The following KCNQ1OT1 variants were observed in gnomAD, a reference collection of about 807,000 sequenced individuals.
KCNQ1OT1 encodes the protein KCNQ1 antisense RNA 2 (non-protein coding).
chr11:2,627,087 A>G lies in KCNQ1OT1; in HGVS notation n.72908T>C. On this transcript the variant is annotated non_coding_transcript_exon_variant, in exon 1 of 1. Coordinates refer to ENST00000597346, the Ensembl canonical transcript of KCNQ1OT1. This position sits in a 1 kb window ranked among gnomAD's most constrained non-coding sequence, Gnocchi z 4.9. ...GTGTTTTCCCTTTATGTCTACTTTA[A>G]TTTCTTTCAGCATTGTTTTGTAATT... The G allele has an allele frequency of 2.5e-6, 1 of 398,446 alleles. No homozygotes were observed. Among genetic ancestry groups the G allele is most frequent in the Non-Finnish European group, 4.4e-6 (1 of 226,020 alleles). 24.7% of individuals were successfully genotyped at this position (398,446 alleles called of 1,614,324 possible).
exon 1 of KCNQ1OT1, chr11:2,686,743 T>C (rs1176373054): frequency 1.8e-5 from 7 of 398,532 alleles, no homozygotes; most frequent in Non-Finnish European, 2.7e-5. Flanking sequence ...CCAGGACCAG[T>C]AGCTTTCAAT....
rs925690688 is a variant in KCNQ1OT1 at position 2,620,324 on chromosome 11, C to T, written n.79671G>A. 1 of 202,434 alleles carries T rather than the reference C, an allele frequency of 4.9e-6. No individual in the cohort carries two copies. The highest frequency in any genetic ancestry group is 2.3e-5 in the African/African-American group (1 of 42,976). 12.5% of individuals were successfully genotyped at this position (202,434 alleles called of 1,614,324 possible). On this transcript the variant is annotated non_coding_transcript_exon_variant, in exon 1 of 1. Coordinates refer to ENST00000597346, the Ensembl canonical transcript of KCNQ1OT1. The surrounding 1 kb of genome is among the most constrained non-coding windows in gnomAD (Gnocchi z 4.5). ...CTCCGCCTACCGGGTTCAAGTGATTCTCCTGCCTCAGCCTCCTGAGTAGCT... is the reference window on the plus strand; with the variant it reads ...CTCCGCCTACCGGGTTCAAGTGATTTTCCTGCCTCAGCCTCCTGAGTAGCT...
rs2133852490 is a variant in KCNQ1OT1, at chr11:2,659,135, A to G, written n.40860T>C. 1 of 398,588 alleles carries G rather than the reference A, an allele frequency of 2.5e-6. No individual in the cohort carries two copies. Among genetic ancestry groups the G allele is most frequent in the African/African-American group, 2.1e-5 (1 of 48,732 alleles). The allele number at this position is 398,588 out of a possible 1,614,324, so 24.7% of individuals were successfully genotyped here. A position where few individuals can be genotyped will look rare whatever the true frequency, so the allele number is the denominator to read the frequency against. On this transcript the variant is annotated non_coding_transcript_exon_variant, in exon 1 of 1. Coordinates refer to ENST00000597346, the Ensembl canonical transcript of KCNQ1OT1. The surrounding 1 kb of genome is among the most constrained non-coding windows in gnomAD (Gnocchi z 4.3). ...ATTTTTTAAATTTGCATACAGTAAA[A>G]TCCACTCTTTGAGATTCAGTTCTGT...
rs994961519 is a variant in KCNQ1OT1, at chr11:2,613,937, C to T, written n.86058G>A. ...TCTGTATATGCCCTTTTGAACTTTG[C>T]TTTTCTCACCTAACAACATCTCCTA... On this transcript the variant is annotated non_coding_transcript_exon_variant, in exon 1 of 1. Transcript: ENST00000597346. The surrounding 1 kb of genome is among the most constrained non-coding windows in gnomAD (Gnocchi z 4.8). 1 of 398,444 alleles carries T rather than the reference C, an allele frequency of 2.5e-6. No homozygotes were observed. Among genetic ancestry groups the T allele is most frequent in the African/African-American group, 2.1e-5 (1 of 48,628 alleles). The allele number at this position is 398,444 out of a possible 1,614,324, so 24.7% of individuals were successfully genotyped here.
At position 2,611,818 on chromosome 11, in the gene KCNQ1OT1, G is replaced by A; in HGVS notation, n.88177C>T. ...CCTCCTTTACTGCCTTCTGCAGGTT[G>A]AATAGATATGTTCTAGAGTACCATT... On this transcript the variant is annotated non_coding_transcript_exon_variant, in exon 1 of 1. Coordinates refer to ENST00000597346, the Ensembl canonical transcript of KCNQ1OT1. The surrounding 1 kb of genome is among the most constrained non-coding windows in gnomAD (Gnocchi z 5.3). 1 of 398,310 alleles carries A rather than the reference G, an allele frequency of 2.5e-6. No individual in the cohort carries two copies. Among genetic ancestry groups the A allele is most frequent in the Non-Finnish European group, 4.4e-6 (1 of 225,988 alleles). The allele number at this position is 398,310 out of a possible 1,614,324, so 24.7% of individuals were successfully genotyped here. A position where few individuals can be genotyped will look rare whatever the true frequency, so the allele number is the denominator to read the frequency against.
In KCNQ1OT1 at chr11:2,653,836, A is replaced by G. The variant is rs1849794931; in HGVS notation, n.46159T>C. The G allele has an allele frequency of 7.5e-6, 3 of 398,566 alleles. No individual in the cohort carries two copies. The East Asian group carries it at 1.1e-4, about 14-fold the overall frequency. 24.7% of individuals were successfully genotyped at this position (398,566 alleles called of 1,614,324 possible). On this transcript the variant is annotated non_coding_transcript_exon_variant, in exon 1 of 1. Coordinates refer to ENST00000597346, the Ensembl canonical transcript of KCNQ1OT1. This position sits in a 1 kb window ranked among gnomAD's most constrained non-coding sequence, Gnocchi z 5.3. ...AAGGTCCACAGGGACCCCTTTGGGGATGGCCAGAGGGTACCTAAACACTGC... is the reference window on the plus strand; with the variant it reads ...AAGGTCCACAGGGACCCCTTTGGGGGTGGCCAGAGGGTACCTAAACACTGC...
At chr11:2,640,572 T>A in exon 1 of KCNQ1OT1, 1 of 398,342 alleles carries the variant, frequency 2.5e-6, no homozygotes. Flanking sequence ...CTTTTTTTTT[T>A]TTTTTTGACC....
exon 1 of KCNQ1OT1, chr11:2,641,247 T>C (rs1403800002): frequency 2.5e-6 from 1 of 398,304 alleles, no homozygotes; most frequent in Non-Finnish European, 4.4e-6. Context: ...TCAAACTGTT[T>C]TCTATAGTAT....
At position 2,627,458 on chromosome 11, in the gene KCNQ1OT1, C is replaced by T. The variant is rs937130275; in HGVS notation, n.72537G>A. The T allele has an allele frequency of 2.5e-6, 1 of 398,356 alleles. No individual in the cohort carries two copies. The highest frequency in any genetic ancestry group is 2.1e-5 in the African/African-American group (1 of 48,606). 24.7% of individuals were successfully genotyped at this position (398,356 alleles called of 1,614,324 possible). A position where few individuals can be genotyped will look rare whatever the true frequency, so the allele number is the denominator to read the frequency against. ...GTACCCTTCAACATTTCCTATTTCCCCTACTCCCTGACCCCTAGTAACCAC... is the reference window on the plus strand; with the variant it reads ...GTACCCTTCAACATTTCCTATTTCCTCTACTCCCTGACCCCTAGTAACCAC... On this transcript the variant is annotated non_coding_transcript_exon_variant, in exon 1 of 1. Coordinates refer to ENST00000597346, the Ensembl canonical transcript of KCNQ1OT1. This position sits in a 1 kb window ranked among gnomAD's most constrained non-coding sequence, Gnocchi z 4.9.
Position 2,682,662 on chromosome 11 carries a change from A to C in KCNQ1OT1, n.17333T>G, listed in dbSNP as rs183794958. On this transcript the variant is annotated non_coding_transcript_exon_variant, in exon 1 of 1. Transcript: ENST00000597346. This position sits in a 1 kb window ranked among gnomAD's most constrained non-coding sequence, Gnocchi z 5.8. ...CCCTGCTTCCCCAGGGCTCATGTCC[A>C]CATGCTATTGTCCATAGAAGCTGGG... 1.6e-4 allele frequency: 63 copies of C among 398,626 alleles called. No individual in the cohort carries two copies. The East Asian group carries it at 2.2e-3, about 14-fold the overall frequency. 24.7% of individuals were successfully genotyped at this position (398,626 alleles called of 1,614,324 possible).
In KCNQ1OT1 at chr11:2,674,707, C is replaced by T. The variant is rs536259031; in HGVS notation, n.25288G>A. 5.0e-6 allele frequency: 2 copies of T among 398,408 alleles called. No individual in the cohort carries two copies. Among genetic ancestry groups the T allele is most frequent in the African/African-American group, 4.1e-5 (2 of 48,654 alleles). 24.7% of individuals were successfully genotyped at this position (398,408 alleles called of 1,614,324 possible). ...TTGAACCTTAAACCTTTCCTGATGA[C>T]TCCTTCCTTCTGAACTTAACTCGTT... On this transcript the variant is annotated non_coding_transcript_exon_variant, in exon 1 of 1. Transcript: ENST00000597346. The surrounding 1 kb of genome is among the most constrained non-coding windows in gnomAD (Gnocchi z 5.9).
chr11:2,648,266 T>G, exon 1 of KCNQ1OT1: 1 of 398,608 alleles, frequency 2.5e-6, no homozygotes, highest in Non-Finnish European at 4.4e-6. Context: ...TTATCTCTAT[T>G]TCATTTAGAT....
exon 1 of KCNQ1OT1, chr11:2,648,988 T>TTTTTTTTTTTTTTTTTTTC (rs1849713855): frequency 3.1e-6 from 1 of 322,162 alleles, no homozygotes; most frequent in African/African-American, 2.3e-5. Context: ...TTTCTTTTTT[T>TTTTTTTTTTTTTTTTTTTC]TTTTTTTTTT....
rs1313072810 is a variant in KCNQ1OT1 at position 2,670,565 on chromosome 11, GGA to G, written n.29428_29429del. The G allele has an allele frequency of 2.5e-6, 1 of 398,070 alleles. No individual in the cohort carries two copies. Among genetic ancestry groups the G allele is most frequent in the Non-Finnish European group, 4.4e-6 (1 of 226,032 alleles). 24.7% of individuals were successfully genotyped at this position (398,070 alleles called of 1,614,324 possible). ...GGATAGGGACTTGCCAGTATCACTG[GGA>G]GATAGGAGCAGAAGCCAGGGCTCAT... On this transcript the variant is annotated non_coding_transcript_exon_variant, in exon 1 of 1. Coordinates refer to ENST00000597346, the Ensembl canonical transcript of KCNQ1OT1. This position sits in a 1 kb window ranked among gnomAD's most constrained non-coding sequence, Gnocchi z 4.9.
rs150388450 is a variant in KCNQ1OT1, at chr11:2,687,264, C to G, written n.12731G>C. The G allele has an allele frequency of 7.5e-6, 3 of 398,536 alleles. No homozygotes were observed. The highest frequency in any genetic ancestry group is 1.3e-5 in the Non-Finnish European group (3 of 226,096). The allele number at this position is 398,536 out of a possible 1,614,324, so 24.7% of individuals were successfully genotyped here. ...GCATCACTACCAGCTCCGGGCTTCT[C>G]TCCTCTGGCCTCCCACCTTGCAGCT... On this transcript the variant is annotated non_coding_transcript_exon_variant, in exon 1 of 1. Coordinates refer to ENST00000597346, the Ensembl canonical transcript of KCNQ1OT1. This position sits in a 1 kb window ranked among gnomAD's most constrained non-coding sequence, Gnocchi z 5.0.
exon 1 of KCNQ1OT1, chr11:2,684,414 C>T (rs1418819249): frequency 5.0e-6 from 2 of 398,544 alleles, no homozygotes; most frequent in Non-Finnish European, 8.8e-6. Context: ...TCCTCAGTGC[C>T]CCAGCACCAC....
At chr11:2,672,624 G>T (rs1467777597) in exon 1 of KCNQ1OT1, 5 of 398,604 alleles carry the variant, frequency 1.3e-5, no homozygotes, top group Admixed American at 4.4e-5. Context: ...GTGATGGAAG[G>T]ACTCTGGGTA....
At chr11:2,649,120 T>A (rs143740500) in exon 1 of KCNQ1OT1, 94 of 398,188 alleles carry the variant, frequency 2.4e-4, no homozygotes, top group African/African-American at 1.8e-3. Flanking sequence ...TGAAGTCAGT[T>A]TCTTATAGGC....
At position 2,663,399 on chromosome 11, in the gene KCNQ1OT1, T is replaced by C; in HGVS notation, n.36596A>G. ...CAGCACCAGAAGGCAGAATGATGGC[T>C]TACACTGTGGCCAAGGCCTGTACCA... On this transcript the variant is annotated non_coding_transcript_exon_variant, in exon 1 of 1. Transcript: ENST00000597346. The surrounding 1 kb of genome is among the most constrained non-coding windows in gnomAD (Gnocchi z 5.2). The C allele has an allele frequency of 2.5e-6, 1 of 398,870 alleles. No homozygotes were observed. The highest frequency in any genetic ancestry group is 4.4e-6 in the Non-Finnish European group (1 of 226,268). 24.7% of individuals were successfully genotyped at this position (398,870 alleles called of 1,614,324 possible). A position where few individuals can be genotyped will look rare whatever the true frequency, so the allele number is the denominator to read the frequency against.
Sources: gnomAD v4.1 joint callset for allele counts on GRCh38, gnomAD v4.1.1 for gene constraint, Gnocchi (gnomAD v3.1) non-coding constraint, MANE v1.5 for transcripts, NCBI Gene and HGNC (gene_info 2026-07-23, HGNC 2026-07-21) for gene names.